The following CEACAM18 variants were observed in gnomAD, a reference collection of about 807,000 sequenced individuals.
CEACAM18 encodes the protein cell adhesion molecule CEACAM18.
A neutral mutation model predicts 34.3 loss-of-function variants in CEACAM18; 33 were observed. The observed-to-expected ratio is 0.96, with a 90% CI of 0.73 to 1.29. CEACAM18 has a LOEUF of 1.29. Among genes scored for constraint, CEACAM18 ranks in the 50% most tolerant of loss-of-function variants. The pLI is 0.00. For missense variants in CEACAM18, 474 were observed against 485.0 expected (o/e 0.98, Z 0.21); for synonymous variants, 169 against 180.9 (o/e 0.93, Z 0.53).
At chr19:51,478,803 G>T in intron 1 of CEACAM18, 109 bp downstream of exon 1, 1 of 736,032 alleles carries the variant, frequency 1.4e-6, no homozygotes, top group Non-Finnish European at 2.0e-6. Context: ...GGCACATCAA[G>T]AAACTCCCAG....
chr19:51,489,360 C>A (rs950189342), intron 5 of CEACAM18, among the ~76,000 whole-genome samples: 1 of 151,622 alleles, frequency 6.6e-6, no homozygotes, highest in African/African-American at 2.4e-5. Flanking sequence ...CACGATCCAG[C>A]CCCCTCTTTC....
chr19:51,484,060 G>A (rs746728287), intron 4 of CEACAM18, among the ~76,000 whole-genome samples: 38 of 152,138 alleles, frequency 2.5e-4, no homozygotes, highest in Admixed American at 1.2e-3. Context: ...CCATCGTTCC[G>A]AGACTCAGTT....
exon 6 of CEACAM18, chr19:51,490,690 G>C (rs533875399): frequency 8.8e-7 from 1 of 1,131,604 alleles, no homozygotes; most frequent in East Asian, 3.2e-5. Flanking sequence ...GTCCCCATAG[G>C]GCCAGCGAGG....
chr19:51,481,166 T>C (rs1989908620), intron 2 of CEACAM18, among the ~76,000 whole-genome samples: 1 of 152,142 alleles, frequency 6.6e-6, no homozygotes, highest in South Asian at 2.1e-4. Flanking sequence ...GAGCTCACCA[T>C]TATGGCAGCA....
chr19:51,488,883 A>G (rs1228498446), intron 5 of CEACAM18, among the ~76,000 whole-genome samples: 1 of 152,072 alleles, frequency 6.6e-6, no homozygotes, highest in Non-Finnish European at 1.5e-5. Flanking sequence ...AAAATATTAA[A>G]AATTATATTT....
At chr19:51,490,660 G>A (rs1338266720) in exon 6 of CEACAM18, 3 of 1,229,180 alleles carry the variant, frequency 2.4e-6, no homozygotes, top group African/African-American at 1.6e-5. Flanking sequence ...TGAGGAGAGG[G>A]TGATGGAGAA....
chr19:51,478,562 G>A (rs1426322334), upstream of CEACAM18: 1 of 1,275,282 alleles, frequency 7.8e-7, no homozygotes, highest in Non-Finnish European at 1.1e-6. Flanking sequence ...TCTGTGCCAG[G>A]AGACACAGGT....
chr19:51,481,980 C>T (rs1392032339), intron 3 of CEACAM18, among the ~76,000 whole-genome samples: 1 of 152,186 alleles, frequency 6.6e-6, no homozygotes, highest in Non-Finnish European at 1.5e-5. Context: ...ACCATTGTTT[C>T]TTAAATTGAT....
chr19:51,478,966 A>ACG (rs1160022517), intron 1 of CEACAM18, among the ~76,000 whole-genome samples: 3 of 140,962 alleles, frequency 2.1e-5, no homozygotes, highest in Admixed American at 6.9e-5. Context: ...ACACACACAC[A>ACG]CGCGCGCACA....
chr19:51,478,979 CAGAG>C (rs879683634), intron 1 of CEACAM18, among the ~76,000 whole-genome samples: 230 of 150,482 alleles, frequency 1.5e-3, no homozygotes, highest in African/African-American at 4.9e-3. Context: ...CGCGCACACA[CAGAG>C]AGAGAGAGAG....
intron 4 of CEACAM18, 124 bp downstream of exon 4, chr19:51,483,420 G>A (rs28460194): frequency 0.21 from 247,275 of 1,178,720 alleles, 27,455 homozygotes; most frequent in Middle Eastern, 0.29. Context: ...ACCTCTGGGT[G>A]AAATCTCCCA....
intron 2 of CEACAM18, among the ~76,000 whole-genome samples, 196 bp from the exon 3 acceptor site, chr19:51,481,197 G>A (rs922189864): frequency 2.6e-5 from 4 of 152,186 alleles, no homozygotes; most frequent in Non-Finnish European, 1.5e-5. Flanking sequence ...CAGTGGCTCA[G>A]GCAAGGCCCA....
chr19:51,490,497 A>G, intron 5 of CEACAM18, 90 bp from the exon 6 acceptor site: 4 of 1,114,750 alleles, frequency 3.6e-6, no homozygotes, highest in Non-Finnish European at 4.5e-6. Context: ...CTTGGTGGGA[A>G]GTCGGGCCCC....
chr19:51,487,379 G>A (rs1990022211), intron 5 of CEACAM18, among the ~76,000 whole-genome samples: 1 of 152,132 alleles, frequency 6.6e-6, no homozygotes, highest in Admixed American at 6.5e-5. Context: ...GGAGGCTGAG[G>A]TGGGAGGATC....
chr19:51,488,738 T>C (rs1990042726), intron 5 of CEACAM18, among the ~76,000 whole-genome samples: 1 of 152,146 alleles, frequency 6.6e-6, no homozygotes, highest in South Asian at 2.1e-4. Context: ...TGCCAGAGTT[T>C]GGAGTGGGGC....
rs1482654369 is a variant in CEACAM18, at chr19:51,485,093, C to A, written c.1060C>A (p.Pro354Thr). 6 of 1,530,480 alleles carry A rather than the reference C, an allele frequency of 3.9e-6. No homozygotes were observed. In the Admixed American group the frequency reaches 1.2e-4, roughly 30 times the overall value. The allele number at this position is 1,530,480 out of a possible 1,614,324, so 94.8% of individuals were successfully genotyped here. The change falls in exon 5 of 6, where the codon CCA becomes ACA. Residue 354 changes from proline (P) to threonine (T), a missense_variant. By Grantham distance (38) the Pro-to-Thr change is conservative. Transcript: ENST00000396477. The stretch of plus-strand genomic sequence containing the variant: ...GCGTTTACATCTGTGGAGTCCTGAT[C>A]CATGCTCTGATCAACCACTACTCAA...
intron 5 of CEACAM18, among the ~76,000 whole-genome samples, chr19:51,486,736 T>A (rs1361814010): frequency 6.9e-6 from 1 of 145,590 alleles, no homozygotes; most frequent in Non-Finnish European, 1.5e-5. Context: ...TTTTTTTTTT[T>A]ATATGGAGTC....
rs1484795044 is a variant in CEACAM18 at position 51,480,581 on chromosome 19, T to C, written c.301T>C (p.Leu101=). 9.3e-6 allele frequency: 15 copies of C among 1,613,954 alleles called. No individual in the cohort carries two copies. The East Asian group carries it at 3.3e-4, about 36-fold the overall frequency. ...GAGAGTGAACAGAGAAGGCAGCCTG[T>C]TGATCAGGCCGACTGCATTAAATGA... is the stretch of plus-strand genomic sequence containing the variant. Residue 101 remains leucine, a synonymous_variant, in exon 2 of 6, where the codon TTG becomes CTG. Transcript: ENST00000396477.
At chr19:51,483,648 C>T (rs1039619742) in intron 4 of CEACAM18, among the ~76,000 whole-genome samples, 1 of 152,140 alleles carries the variant, frequency 6.6e-6, no homozygotes, top group Non-Finnish European at 1.5e-5. Context: ...GAAACTGAGC[C>T]CCATGGAGTT....
Sources: gnomAD v4.1 joint callset for allele counts (sites outside exome capture counted in the v4.1 genomes callset) on GRCh38, gnomAD v4.1.1 for gene constraint, MANE v1.5 for transcripts, NCBI Gene and HGNC (gene_info 2026-07-23, HGNC 2026-07-21) for gene names.